Variants in CELF2 observed in about 807,000 individuals in gnomAD.
CELF2 encodes the protein CUGBP Elav-like family member 2, also known as CUG triplet repeat RNA-binding protein 2.
CELF2 carries 8 observed loss-of-function variants against 62.6 expected under a neutral mutation model. The observed-to-expected ratio is 0.13, with a 90% CI of 0.07 to 0.23. The LOEUF is 0.23. Ranked by LOEUF, CELF2 falls within the 10% of genes least tolerant of loss-of-function variation. The pLI is 1.00. For synonymous variants in CELF2, 258 were observed against 250.0 expected, an observed-to-expected ratio of 1.03 and a Z score of -0.30; for missense variants, 333 against 671.0, an observed-to-expected ratio of 0.50 and a Z score of 5.56.
At chr10:11,164,612 A>G (rs1258073130) in intron 1 of CELF2, among the ~76,000 whole-genome samples, 1 of 151,466 alleles carries the variant, frequency 6.6e-6, no homozygotes, top group Non-Finnish European at 1.5e-5. Flanking sequence ...GGAGTGTGAG[A>G]GATTTGAAAT....
At chr10:10,603,536 A>G in the CELF2 span, among the ~76,000 whole-genome samples, 2 of 152,172 alleles carry the variant, frequency 1.3e-5, no homozygotes, top group Admixed American at 1.3e-4. Context: ...TGGAGAGAAA[A>G]GGGGGCTAAT....
At chr10:10,672,461 G>A in the CELF2 span, among the ~76,000 whole-genome samples, 1 of 147,144 alleles carries the variant, frequency 6.8e-6, no homozygotes, top group Admixed American at 6.8e-5. Flanking sequence ...TTTTTTCTGT[G>A]AAGGGTAGAA....
At chr10:11,016,369 C>T (rs2057259779), upstream of CELF2, among the ~76,000 whole-genome samples, 1 of 152,180 alleles carries the variant, frequency 6.6e-6, no homozygotes, top group African/African-American at 2.4e-5. This position sits in a 1 kb window ranked among gnomAD's most constrained non-coding sequence, Gnocchi z 5.2. Context: ...GTTAGTTTAG[C>T]CCTACATCTA....
the CELF2 span, among the ~76,000 whole-genome samples, chr10:10,503,313 G>A: frequency 4.2e-4 from 64 of 151,846 alleles, no homozygotes; most frequent in Middle Eastern, 3.4e-3. Flanking sequence ...TATCAGTTGC[G>A]GAAAGCAGAA....
the CELF2 span, among the ~76,000 whole-genome samples, chr10:10,653,227 G>A: frequency 1.4e-4 from 21 of 152,078 alleles, no homozygotes; most frequent in Admixed American, 1.4e-3. Flanking sequence ...CAAGTCCTGA[G>A]TGACCTACAA....
the CELF2 span, among the ~76,000 whole-genome samples, chr10:10,599,671 T>C: frequency 6.6e-6 from 1 of 152,048 alleles, no homozygotes; most frequent in Non-Finnish European, 1.5e-5. Flanking sequence ...TGCGACGTGT[T>C]TTTAATTTTT....
At chr10:11,249,626 C>T (rs2076568148) in intron 4 of CELF2, among the ~76,000 whole-genome samples, 1 of 152,018 alleles carries the variant, frequency 6.6e-6, no homozygotes, top group African/African-American at 2.4e-5. Flanking sequence ...TGTTTTTTTA[C>T]CTTTTGCATG....
intron 1 of CELF2, among the ~76,000 whole-genome samples, chr10:10,873,726 ACTTCTCTTTG>A (rs1194579041): frequency 6.6e-6 from 1 of 152,072 alleles, no homozygotes; most frequent in African/African-American, 2.4e-5. Context: ...CATCTCTCCA[ACTTCTCTTTG>A]CTCTGGAATT....
chr10:11,146,468 A>G (rs949177425), intron 1 of CELF2, among the ~76,000 whole-genome samples: 2 of 152,220 alleles, frequency 1.3e-5, no homozygotes, highest in African/African-American at 2.4e-5. Flanking sequence ...TATCTTTGTT[A>G]TCATCTAAAC....
At chr10:11,236,478 T>C (rs1300057774) in intron 3 of CELF2, among the ~76,000 whole-genome samples, 1 of 152,236 alleles carries the variant, frequency 6.6e-6, no homozygotes, top group Non-Finnish European at 1.5e-5. Flanking sequence ...GGTAGTGTTG[T>C]TTTAAGTCAT....
At chr10:10,838,413 G>A (rs1271909482) in intron 1 of CELF2, among the ~76,000 whole-genome samples, 2 of 152,060 alleles carry the variant, frequency 1.3e-5, no homozygotes, top group Admixed American at 1.3e-4. Context: ...GCACTTTTTG[G>A]GAAGAAGTCA....
rs537139655 is a variant in CELF2 at position 11,223,946 on chromosome 10, G to A, written c.354+6439G>A. ...TAAAGTTTTACACACTACCTGAATA[G>A]CAGGTTGTTTTGGTTTTGGCTGGCA... On this transcript the variant is annotated intron_variant, in intron 3 of 12. Coordinates refer to ENST00000633077, the MANE Select transcript of CELF2 (RefSeq NM_001326342.2). This position sits in a 1 kb window ranked among gnomAD's most constrained non-coding sequence, Gnocchi z 5.1. Among the ~76,000 whole-genome samples, 14 of 152,252 alleles carry A rather than the reference G, an allele frequency of 9.2e-5. No individual in the cohort carries two copies. The highest frequency in any genetic ancestry group is 9.2e-4 in the Admixed American group (14 of 15,280).
the CELF2 span, among the ~76,000 whole-genome samples, chr10:10,634,161 T>C: frequency 6.6e-6 from 1 of 152,142 alleles, no homozygotes; most frequent in African/African-American, 2.4e-5. Context: ...CTTAAATCTA[T>C]ATGATGCTAT....
chr10:10,614,015 A>G, the CELF2 span, among the ~76,000 whole-genome samples: 1 of 152,118 alleles, frequency 6.6e-6, no homozygotes, highest in African/African-American at 2.4e-5. Flanking sequence ...AGTGTAGAAT[A>G]AAGAGGTTGA....
chr10:10,905,639 G>A (rs2063275687), intron 1 of CELF2, among the ~76,000 whole-genome samples: 1 of 152,042 alleles, frequency 6.6e-6, no homozygotes, highest in African/African-American at 2.4e-5. Context: ...AGCACTTTGG[G>A]AGGCTGAGGC....
At chr10:10,607,556 G>A in the CELF2 span, among the ~76,000 whole-genome samples, 2 of 152,192 alleles carry the variant, frequency 1.3e-5, no homozygotes, top group Non-Finnish European at 2.9e-5. Flanking sequence ...AATACTGTAA[G>A]AAAGGGATGG....
rs58453098 is a variant in CELF2, at chr10:11,177,421, TAA to T, written c.271+11752_271+11753del. On this transcript the variant is annotated intron_variant, in intron 2 of 12. Transcript: ENST00000633077. The surrounding 1 kb of genome is among the most constrained non-coding windows in gnomAD (Gnocchi z 4.8). ...TTGGCTTATGTTTGCATGTGTGAAT[TAA>T]AAAAAAAAAAAAGAGAAAATTAGGT... is the stretch of plus-strand genomic sequence containing the variant. Among the ~76,000 whole-genome samples the T allele has an allele frequency of 7.0e-4, 99 of 140,918 alleles. No homozygotes were observed. The highest frequency in any genetic ancestry group is 1.9e-3 in the African/African-American group (73 of 38,592). 92.4% of individuals were successfully genotyped at this position (140,918 alleles called of 152,430 possible).
At chr10:11,197,280 G>T (rs540208400) in intron 2 of CELF2, among the ~76,000 whole-genome samples, 1 of 152,082 alleles carries the variant, frequency 6.6e-6, no homozygotes, top group East Asian at 1.9e-4. Context: ...CACTCTGTCC[G>T]TGATACCAGG....
Position 10,877,663 on chromosome 10 carries a change from A to G in CELF2, c.54-42301A>G, listed in dbSNP as rs566195175. 7.2e-5 allele frequency among the ~76,000 whole-genome samples: 11 copies of G among 152,358 alleles called. No individual in the cohort carries two copies. The South Asian group carries it at 2.1e-3, about 29-fold the overall frequency. ...TTTCCTTTCACAATTGAATGGATGG[A>G]AGATTTTCTCAGCAACCTGAAATTT... On this transcript the variant is annotated intron_variant, in intron 1 of 13. Transcript: ENST00000636488.
Sources: allele counts gnomAD v4.1 joint callset (sites outside exome capture counted in the v4.1 genomes callset), GRCh38; gene constraint gnomAD v4.1.1; non-coding constraint Gnocchi (gnomAD v3.1); transcripts MANE v1.5; gene names NCBI Gene and HGNC (gene_info 2026-07-23, HGNC 2026-07-21).